The following USP46 variants were observed in gnomAD, a reference collection of about 807,000 sequenced individuals.
USP46 encodes ubiquitin carboxyl-terminal hydrolase 46.
USP46 carries 12 observed loss-of-function variants against 44.4 expected under a neutral mutation model. The observed-to-expected ratio is 0.27, with a 90% confidence interval of 0.17 to 0.44. USP46 has a LOEUF of 0.44. Among genes scored for constraint, USP46 ranks in the 20% least tolerant of loss-of-function variants. The probability of loss-of-function intolerance (pLI) is 1.00; values close to 1 mark genes in which losing one functional copy is unlikely to be tolerated. For synonymous variants in USP46, 155 were observed against 161.5 expected (o/e 0.96, Z 0.31); for missense variants, 248 against 444.8 (o/e 0.56, Z 3.98).
At chr4:52,625,078 T>C (rs1560401511) in intron 4 of USP46, among the ~76,000 whole-genome samples, 2 of 152,212 alleles carry the variant, frequency 1.3e-5, no homozygotes, top group Non-Finnish European at 2.9e-5. Flanking sequence ...GAATTTTCCA[T>C]ACAATGTCAG....
intron 7 of USP46, among the ~76,000 whole-genome samples, chr4:52,601,288 C>T (rs1240604359): frequency 6.6e-6 from 1 of 152,174 alleles, no homozygotes; most frequent in African/African-American, 2.4e-5. Flanking sequence ...AAAATAGCTG[C>T]TCAAAGGAAT....
Position 52,659,059 on chromosome 4 carries a change from C to T in USP46, c.36+56G>A. ...CGGGCGTGTGTGCAGCTCGGGCTTC[C>T]CTTTCTTTGCCTCGCCGCGAGTCGG... On this transcript the variant is annotated intron_variant, in intron 1 of 8. Transcript: ENST00000441222. The surrounding 1 kb of genome is among the most constrained non-coding windows in gnomAD (Gnocchi z 4.2). 4 of 1,522,738 alleles carry T rather than the reference C, an allele frequency of 2.6e-6. No homozygotes were observed. Among genetic ancestry groups the T allele is most frequent in the Non-Finnish European group, 2.6e-6 (3 of 1,135,640 alleles). The allele number at this position is 1,522,738 out of a possible 1,614,324, so 94.3% of individuals were successfully genotyped here. A position where few individuals can be genotyped will look rare whatever the true frequency, so the allele number is the denominator to read the frequency against.
chr4:52,596,149 G>C lies in USP46; in HGVS notation c.*1491C>G, dbSNP rs1006434908. The stretch of plus-strand genomic sequence containing the variant: ...GAAATCCAGTTTTCATCTAGATAAA[G>C]TGCTATCCTCTTCATTGTTGCAAAA... On this transcript the variant is annotated 3_prime_UTR_variant, in exon 9 of 9. Coordinates refer to ENST00000441222, the MANE Select transcript of USP46 (RefSeq NM_022832.4). The C allele has an allele frequency of 6.6e-6, 1 of 152,614 alleles. No individual in the cohort carries two copies. Among genetic ancestry groups the C allele is most frequent in the African/African-American group, 2.4e-5 (1 of 41,444 alleles). 9.5% of individuals were successfully genotyped at this position (152,614 alleles called of 1,614,324 possible).
At chr4:52,653,810 A>T (rs988359847) in intron 1 of USP46, among the ~76,000 whole-genome samples, 1 of 152,178 alleles carries the variant, frequency 6.6e-6, no homozygotes, top group African/African-American at 2.4e-5. Context: ...ACCCCAATCT[A>T]TTCACACTAA....
At chr4:52,643,619 A>C (rs551866725) in intron 1 of USP46, among the ~76,000 whole-genome samples, 9 of 152,210 alleles carry the variant, frequency 5.9e-5, no homozygotes, top group Admixed American at 5.2e-4. Flanking sequence ...CACCTAGTAG[A>C]ATGTCTGGTT....
rs1340287715 is a variant in USP46, at chr4:52,595,134, T to C, written c.*2506A>G. The C allele has an allele frequency of 6.6e-6, 1 of 152,630 alleles. No homozygotes were observed. The highest frequency in any genetic ancestry group is 1.5e-5 in the Non-Finnish European group (1 of 68,042). The allele number at this position is 152,630 out of a possible 1,614,324, so 9.5% of individuals were successfully genotyped here. On this transcript the variant is annotated 3_prime_UTR_variant, in exon 9 of 9. Transcript: ENST00000441222. ...TCACTCCTGCAGATGACACACGGAA[T>C]CCTTGGCCATTGGAGGGAATACTGC... is the stretch of plus-strand genomic sequence containing the variant.
In USP46 at chr4:52,651,636, T is replaced by C. The variant is rs539830591; in HGVS notation, c.36+7479A>G. 2.0e-5 allele frequency among the ~76,000 whole-genome samples: 3 copies of C among 152,318 alleles called. No individual in the cohort carries two copies. The East Asian group carries it at 5.8e-4, about 29-fold the overall frequency. ...CTAACCTGAAGGACAGAGAAATGTATTTTAGGAAGATGACCATCGTTTCAC... is the reference window on the plus strand; with the variant it reads ...CTAACCTGAAGGACAGAGAAATGTACTTTAGGAAGATGACCATCGTTTCAC... On this transcript the variant is annotated intron_variant, in intron 1 of 8. Transcript: ENST00000441222.
At chr4:52,633,630 A>G (rs1399998408) in intron 1 of USP46, among the ~76,000 whole-genome samples, 2 of 152,244 alleles carry the variant, frequency 1.3e-5, no homozygotes, top group African/African-American at 4.8e-5. Context: ...TGTCAGATAT[A>G]AAAGTATAGC....
chr4:52,613,243 C>T (rs1314396130), intron 4 of USP46, among the ~76,000 whole-genome samples: 3 of 152,138 alleles, frequency 2.0e-5, no homozygotes, highest in Admixed American at 1.3e-4. Context: ...GTATCTCCAA[C>T]TCTCCCCACA....
At chr4:52,626,309 G>A (rs775600407) in intron 3 of USP46, 62 bp from the exon 4 acceptor site, 93 of 1,349,514 alleles carry the variant, frequency 6.9e-5, no homozygotes, top group Non-Finnish European at 8.9e-5. Flanking sequence ...GATGTAATTA[G>A]TGTTACATGC....
At chr4:52,656,162 AG>A in intron 1 of USP46, 1 of 811,782 alleles carries the variant, frequency 1.2e-6, no homozygotes, top group Non-Finnish European at 2.0e-6. Flanking sequence ...GATGTGCTTA[AG>A]AAAAAAATGC....
In USP46 at chr4:52,594,773, T is replaced by C. The variant is rs561217922; in HGVS notation, c.*2867A>G. On this transcript the variant is annotated 3_prime_UTR_variant, in exon 9 of 9. Coordinates refer to ENST00000441222, the MANE Select transcript of USP46 (RefSeq NM_022832.4). ...ATTTCTGACATTTTTCCCTATTTTA[T>C]CTTAAACCCAAAATACACCAGGCCA... is the stretch of plus-strand genomic sequence containing the variant. 3 of 152,310 alleles carry C rather than the reference T, an allele frequency of 2.0e-5. No homozygotes were observed. The highest frequency in any genetic ancestry group is 7.2e-5 in the African/African-American group (3 of 41,556). The allele number at this position is 152,310 out of a possible 1,614,324, so 9.4% of individuals were successfully genotyped here.
chr4:52,644,120 G>A (rs1438452543), intron 1 of USP46, among the ~76,000 whole-genome samples: 2 of 152,166 alleles, frequency 1.3e-5, no homozygotes. Context: ...GAGCAATACT[G>A]AATGTGACTC....
At chr4:52,658,859 G>A (rs966523246) in intron 1 of USP46, among the ~76,000 whole-genome samples, 3 of 152,000 alleles carry the variant, frequency 2.0e-5, no homozygotes, top group East Asian at 2.0e-4. Context: ...AGGGCGGGGG[G>A]CGCAGCAGCG....
At chr4:52,623,924 A>T (rs770736818) in intron 4 of USP46, among the ~76,000 whole-genome samples, 2 of 152,188 alleles carry the variant, frequency 1.3e-5, no homozygotes, top group Admixed American at 6.5e-5. Flanking sequence ...TGTTTCAAAA[A>T]AAATTAAAAA....
At chr4:52,635,758 A>G (rs1394163744) in intron 1 of USP46, among the ~76,000 whole-genome samples, 1 of 152,096 alleles carries the variant, frequency 6.6e-6, no homozygotes, top group Non-Finnish European at 1.5e-5. Context: ...ACCTCCAGTT[A>G]CCCTCCTCCT....
At chr4:52,641,259 T>C (rs903748702) in intron 1 of USP46, among the ~76,000 whole-genome samples, 1 of 152,038 alleles carries the variant, frequency 6.6e-6, no homozygotes, top group Non-Finnish European at 1.5e-5. Context: ...ATAAGAAACA[T>C]AGGGTTCTTA....
intron 5 of USP46, among the ~76,000 whole-genome samples, chr4:52,605,258 A>T (rs991733431): frequency 2.0e-5 from 3 of 152,166 alleles, no homozygotes; most frequent in African/African-American, 7.2e-5. Flanking sequence ...TTTGGAGAAC[A>T]AAAGCCATTG....
In USP46 at chr4:52,638,306, A is replaced by G. The variant is rs140439765; in HGVS notation, c.37-7162T>C. Among the ~76,000 whole-genome samples, 1,198 of 152,202 alleles carry G rather than the reference A, an allele frequency of 7.9e-3. 13 individuals are homozygous for G. The highest frequency in any genetic ancestry group is 0.027 in the African/African-American group (1,108 of 41,516). ...TGCTGGCCTTGAAGAGGGAAGAAGG[A>G]GCCATGAGCCAAGGGATGCAGGCAG... On this transcript the variant is annotated intron_variant, in intron 1 of 8. Coordinates refer to ENST00000441222, the MANE Select transcript of USP46 (RefSeq NM_022832.4).
Sources: gnomAD v4.1 joint callset for allele counts (sites outside exome capture counted in the v4.1 genomes callset) on GRCh38, gnomAD v4.1.1 for gene constraint, Gnocchi (gnomAD v3.1) non-coding constraint, MANE v1.5 for transcripts, NCBI Gene and HGNC (gene_info 2026-07-23, HGNC 2026-07-21) for gene names.